PDE3A: variants seen among roughly 807,000 people sequenced by gnomAD.
PDE3A encodes the protein cGMP-inhibited 3',5'-cyclic phosphodiesterase 3A.
In PDE3A, 43 loss-of-function variants were observed where a neutral mutation model predicts 98.3. The ratio of observed to expected loss-of-function variants is 0.44; its 90% CI spans 0.34 to 0.56. The LOEUF is 0.56. PDE3A is among the 20% of genes least tolerant of loss of function. PDE3A has a pLI of 0.01. For missense variants in PDE3A, 1,427 were observed against 1,440.7 expected, an observed-to-expected ratio of 0.99 and a Z score of 0.15; for synonymous variants, 663 against 567.9, an observed-to-expected ratio of 1.17 and a Z score of -2.38.
At chr12:20,450,833 G>A (rs1462481671) in intron 1 of PDE3A, among the ~76,000 whole-genome samples, 1 of 152,176 alleles carries the variant, frequency 6.6e-6, no homozygotes, top group East Asian at 1.9e-4. Context: ...GGTCTCACTA[G>A]GGATTTGAAG....
chr12:20,382,278 T>C (rs532718937), intron 1 of PDE3A, among the ~76,000 whole-genome samples: 1 of 152,058 alleles, frequency 6.6e-6, no homozygotes, highest in East Asian at 1.9e-4. Context: ...TTGTGTCTAC[T>C]GAAACTGTAC....
intron 1 of PDE3A, among the ~76,000 whole-genome samples, chr12:20,384,650 C>T (rs1178615689): frequency 6.6e-6 from 1 of 151,848 alleles, no homozygotes; most frequent in African/African-American, 2.4e-5. Context: ...TTAAACCCAG[C>T]AAGCATTAAC....
chr12:20,457,332 C>T (rs981915155), intron 1 of PDE3A, among the ~76,000 whole-genome samples: 1 of 150,284 alleles, frequency 6.7e-6, no homozygotes, highest in Non-Finnish European at 1.5e-5. Context: ...ATACTGAGAC[C>T]TTAAATTTAT....
intron 2 of PDE3A, among the ~76,000 whole-genome samples, chr12:20,560,276 G>C (rs536099425): frequency 6.6e-6 from 1 of 152,264 alleles, no homozygotes; most frequent in African/African-American, 2.4e-5. Context: ...ATAAAAGTCT[G>C]ATTTTTGGAA....
intron 1 of PDE3A, among the ~76,000 whole-genome samples, chr12:20,532,660 C>G (rs1484729903): frequency 6.7e-6 from 1 of 149,918 alleles, no homozygotes; most frequent in Non-Finnish European, 1.5e-5. Context: ...ACATTTATGT[C>G]AGGTTTTTGT....
Position 20,369,460 on chromosome 12 carries a change from G to C in PDE3A, c.176G>C (p.Arg59Pro), listed in dbSNP as rs766144639. 5.1e-5 allele frequency: 79 copies of C among 1,556,208 alleles called. No homozygotes were observed. The South Asian group carries it at 8.3e-4, about 16-fold the overall frequency. The change falls in exon 1 of 16, where the codon CGG (arginine) becomes CCG (proline). Residue 59 changes from arginine to proline, a missense_variant. Physicochemically the swap from Arg to Pro is moderately radical, Grantham distance 103. Coordinates refer to ENST00000359062, the MANE Select transcript of PDE3A (RefSeq NM_000921.5). The part of the protein sequence containing the change: ...DLVLQPLRSS[R>P]KLSSALCAGS... Reference sequence around the variant, plus strand: ...GTGCTGCAGCCGCTCCGGAGCTCTCGGAAACTTTCCTCCGCGCTGTGCGCG... The same window carrying C: ...GTGCTGCAGCCGCTCCGGAGCTCTCCGAAACTTTCCTCCGCGCTGTGCGCG...
intron 1 of PDE3A, among the ~76,000 whole-genome samples, chr12:20,384,354 C>A (rs553370188): frequency 1.3e-5 from 2 of 151,686 alleles, no homozygotes; most frequent in East Asian, 1.9e-4. Flanking sequence ...GATACTATAA[C>A]GTTTTGTGTA....
At chr12:20,508,062 T>C (rs1946150309) in intron 1 of PDE3A, among the ~76,000 whole-genome samples, 1 of 152,058 alleles carries the variant, frequency 6.6e-6, no homozygotes, top group Non-Finnish European at 1.5e-5. Context: ...ACCTCATCTC[T>C]CATTACCTTT....
chr12:20,492,431 TG>T (rs1945845144), intron 1 of PDE3A, among the ~76,000 whole-genome samples: 1 of 152,038 alleles, frequency 6.6e-6, no homozygotes, highest in Non-Finnish European at 1.5e-5. Flanking sequence ...AGTCACAGTC[TG>T]GGCAGGAAAT....
intron 2 of PDE3A, among the ~76,000 whole-genome samples, chr12:20,578,981 T>C (rs569242384): frequency 2.1e-4 from 32 of 152,312 alleles, no homozygotes; most frequent in South Asian, 2.1e-3. Flanking sequence ...TGCTAATAAC[T>C]ACACCATCAG....
intron 1 of PDE3A, among the ~76,000 whole-genome samples, chr12:20,434,860 T>C (rs1944755048): frequency 6.6e-6 from 1 of 152,176 alleles, no homozygotes; most frequent in African/African-American, 2.4e-5. Flanking sequence ...GAGTAACTTT[T>C]AGTTTGGGAA....
intron 1 of PDE3A, among the ~76,000 whole-genome samples, chr12:20,519,843 A>C (rs551154211): frequency 6.6e-6 from 1 of 152,158 alleles, no homozygotes; most frequent in Non-Finnish European, 1.5e-5. Context: ...GGGTTTTGGA[A>C]GATGAGCTGG....
At chr12:20,674,274 G>C (rs1323097171) in intron 15 of PDE3A, among the ~76,000 whole-genome samples, 2 of 152,116 alleles carry the variant, frequency 1.3e-5, no homozygotes, top group Admixed American at 6.5e-5. Context: ...GGGACAATTT[G>C]ACTTCCTCTT....
intron 10 of PDE3A, among the ~76,000 whole-genome samples, chr12:20,641,288 T>G (rs1385556891): frequency 6.6e-6 from 1 of 151,910 alleles, no homozygotes; most frequent in African/African-American, 2.4e-5. Flanking sequence ...CCAGGGCCCC[T>G]GGGAACATCT....
At chr12:20,389,757 A>G (rs1412099082) in intron 1 of PDE3A, among the ~76,000 whole-genome samples, 1 of 151,952 alleles carries the variant, frequency 6.6e-6, no homozygotes, top group Non-Finnish European at 1.5e-5. Context: ...CCCTCCAGAA[A>G]GGTCATAGCT....
Position 20,538,920 on chromosome 12 carries a change from A to G in PDE3A, c.961-17740A>G, listed in dbSNP as rs188119691. 3.0e-3 allele frequency among the ~76,000 whole-genome samples: 461 copies of G among 151,250 alleles called. 1 individual carries two copies. The highest frequency in any genetic ancestry group is 4.6e-3 in the Non-Finnish European group (315 of 67,852). Reference sequence around the variant, plus strand: ...TTTGGCTTCCCAAAATGTTGAGATTACAAGTGTGAACCACCACACCTAGCC... The same window carrying G: ...TTTGGCTTCCCAAAATGTTGAGATTGCAAGTGTGAACCACCACACCTAGCC... On this transcript the variant is annotated intron_variant, in intron 1 of 15. Transcript: ENST00000359062.
At chr12:20,421,619 C>T (rs1944513453) in intron 1 of PDE3A, among the ~76,000 whole-genome samples, 1 of 150,310 alleles carries the variant, frequency 6.7e-6, no homozygotes, top group Non-Finnish European at 1.5e-5. Context: ...AAAAAAACCA[C>T]CCATGCTCAC....
At chr12:20,511,283 G>A (rs566031017) in intron 1 of PDE3A, among the ~76,000 whole-genome samples, 4 of 152,172 alleles carry the variant, frequency 2.6e-5, no homozygotes, top group South Asian at 2.1e-4. Flanking sequence ...CACTGAGATC[G>A]TGATTTCTAA....
intron 1 of PDE3A, among the ~76,000 whole-genome samples, chr12:20,513,767 T>C (rs1319653362): frequency 2.0e-5 from 3 of 152,154 alleles, no homozygotes; most frequent in East Asian, 3.9e-4. Flanking sequence ...CCACTGAAGT[T>C]TTACTGAGAT....
Sources: allele counts gnomAD v4.1 joint callset (sites outside exome capture counted in the v4.1 genomes callset), GRCh38; gene constraint gnomAD v4.1.1; transcripts MANE v1.5; gene names NCBI Gene and HGNC (gene_info 2026-07-23, HGNC 2026-07-21).